ZCCHC9: variants seen among roughly 807,000 people sequenced by gnomAD.
ZCCHC9 encodes zinc finger CCHC-type containing 9, also known as zinc finger CCHC domain-containing protein 9.
Under a neutral mutation model 30.8 loss-of-function variants are expected in ZCCHC9, and 18 were observed. The observed-to-expected ratio is 0.58, with a 90% CI of 0.40 to 0.87. ZCCHC9 has a LOEUF of 0.87. Among genes scored for constraint, ZCCHC9 ranks in the 40% least tolerant of loss-of-function variants. ZCCHC9 has a pLI of 0.00. For missense variants in ZCCHC9, 279 were observed against 331.2 expected, an observed-to-expected ratio of 0.84 and a Z score of 1.22; for synonymous variants, 94 against 106.7, an observed-to-expected ratio of 0.88 and a Z score of 0.73.
intron 2 of ZCCHC9, among the ~76,000 whole-genome samples, chr5:81,307,948 T>C (rs891087161): frequency 1.8e-4 from 25 of 136,884 alleles, no homozygotes; most frequent in African/African-American, 5.6e-4. Context: ...TGAGCTGAGA[T>C]TGGGCCACTG....
intron 2 of ZCCHC9, 109 bp from the exon 3 acceptor site, chr5:81,308,452 A>G (rs1758152795): frequency 7.4e-7 from 1 of 1,344,136 alleles, no homozygotes; most frequent in Middle Eastern, 2.8e-4. Context: ...GATTTCAGAA[A>G]AATAGCTTAA....
At chr5:81,305,529 G>A (rs752973521) in intron 2 of ZCCHC9, among the ~76,000 whole-genome samples, 14 of 151,750 alleles carry the variant, frequency 9.2e-5, no homozygotes, top group Admixed American at 2.6e-4. Context: ...AAGCTGAGGC[G>A]GGAGGATCAC....
At chr5:81,303,361 T>G (rs937619066) in intron 1 of ZCCHC9, 1 of 152,274 alleles carries the variant, frequency 6.6e-6, no homozygotes, top group African/African-American at 2.4e-5. Flanking sequence ...GTAATAACAC[T>G]TAGCTTAAAA....
At chr5:81,311,563 A>G (rs1469897310) in intron 5 of ZCCHC9, among the ~76,000 whole-genome samples, 1 of 152,202 alleles carries the variant, frequency 6.6e-6, no homozygotes, top group East Asian at 1.9e-4. Context: ...TTAATATAAT[A>G]GAGCCAATTC....
At position 81,309,052 on chromosome 5, in the gene ZCCHC9, C is replaced by A. The variant is rs760444367; in HGVS notation, c.628+14C>A. The A allele has an allele frequency of 2.1e-5, 33 of 1,578,194 alleles. No homozygotes were observed. Among genetic ancestry groups the A allele is most frequent in the Non-Finnish European group, 2.8e-5 (32 of 1,158,250 alleles). Reference sequence around the variant, plus strand: ...TCTATGCTGATGGTAAGTACTGTTACCCTCATATAGCAGAAATGGTGAGTC... The same window carrying A: ...TCTATGCTGATGGTAAGTACTGTTAACCTCATATAGCAGAAATGGTGAGTC... On this transcript the variant is annotated intron_variant, in intron 4 of 5. Coordinates refer to ENST00000407610, the MANE Select transcript of ZCCHC9 (RefSeq NM_001131035.2).
intron 2 of ZCCHC9, among the ~76,000 whole-genome samples, chr5:81,307,104 G>A (rs1400217538): frequency 6.6e-6 from 1 of 152,054 alleles, no homozygotes; most frequent in Middle Eastern, 3.4e-3. Context: ...TGCTTATTTT[G>A]AAAAAACATA....
chr5:81,302,100 C>T (rs1757973198), intron 1 of ZCCHC9: 1 of 152,366 alleles, frequency 6.6e-6, no homozygotes, highest in Non-Finnish European at 1.5e-5. Flanking sequence ...TGGGTCCACC[C>T]TTCAGCTTCT....
At chr5:81,312,406 C>T (rs1758317199) in intron 5 of ZCCHC9, 138 bp from the exon 6 acceptor site, 1 of 648,810 alleles carries the variant, frequency 1.5e-6, no homozygotes, top group Non-Finnish European at 2.7e-6. Context: ...GAATTGCTCA[C>T]TTTCCTTTAG....
At chr5:81,305,203 A>T in intron 2 of ZCCHC9, 62 bp downstream of exon 2, 1 of 1,529,384 alleles carries the variant, frequency 6.5e-7, no homozygotes, top group Non-Finnish European at 8.7e-7. Flanking sequence ...TCTTATATTC[A>T]CACACATATA....
At chr5:81,305,682 C>T (rs1487944771) in intron 2 of ZCCHC9, among the ~76,000 whole-genome samples, 1 of 152,026 alleles carries the variant, frequency 6.6e-6, no homozygotes, top group Non-Finnish European at 1.5e-5. Flanking sequence ...AGGATTGGGC[C>T]TGGGAGGTCG....
chr5:81,311,150 G>A, intron 4 of ZCCHC9, 61 bp from the exon 5 acceptor site: 1 of 1,565,052 alleles, frequency 6.4e-7, no homozygotes, highest in Admixed American at 1.7e-5. Context: ...AAAGTGCTTT[G>A]AGATGTTAAA....
rs945809693 is a variant in ZCCHC9, at chr5:81,301,637, C to G, written c.-79C>G. 9.8e-5 allele frequency: 15 copies of G among 152,354 alleles called. No homozygotes were observed. The highest frequency in any genetic ancestry group is 2.1e-4 in the South Asian group (1 of 4,844). 9.4% of individuals were successfully genotyped at this position (152,354 alleles called of 1,614,324 possible). A position where few individuals can be genotyped will look rare whatever the true frequency, so the allele number is the denominator to read the frequency against. On this transcript the variant is annotated 5_prime_UTR_variant, in exon 1 of 6. Transcript: ENST00000407610. ...CGCAGGAGGGCGGTCTTCCCCGGCT[C>G]GCCAACTCGGCTGCTCTGGGGGATT...
rs1160546753 is a variant in ZCCHC9, at chr5:81,308,542, C to T, written c.385-19C>T. ...TGGTATAGTTTTGCAGCGTGCCAAC[C>T]TACGTTTTGTTTTCCTAGGTGTGTT... On this transcript the variant is annotated intron_variant, in intron 2 of 5. Transcript: ENST00000407610. The T allele has an allele frequency of 3.8e-6, 6 of 1,599,690 alleles. No homozygotes were observed. Among genetic ancestry groups the T allele is most frequent in the Non-Finnish European group, 4.3e-6 (5 of 1,174,578 alleles).
intron 4 of ZCCHC9, among the ~76,000 whole-genome samples, chr5:81,310,956 C>T (rs149133216): frequency 1.1e-3 from 167 of 152,304 alleles, no homozygotes; most frequent in Non-Finnish European, 1.9e-3. Flanking sequence ...TGCCTTCCAT[C>T]ATATCTCATT....
chr5:81,311,262 C>T lies in ZCCHC9; in HGVS notation c.680C>T (p.Pro227Leu). Reference protein sequence around the residue: ...GSVEHLKKDCPESQNSERMVT... With the variant: ...GSVEHLKKDCLESQNSERMVT... ...GTGGAACATTTAAAGAAAGATTGCC[C>T]TGAAAGTCAGAATTCAGGTGAGATC... is the stretch of plus-strand genomic sequence containing the variant. Residue 227 changes from proline to leucine, a missense_variant, in exon 5 of 6, where the codon CCT becomes CTT. Pro to Leu is a moderately conservative substitution (Grantham distance 98, BLOSUM62 -3). Coordinates refer to ENST00000407610, the MANE Select transcript of ZCCHC9 (RefSeq NM_001131035.2). 6.2e-7 allele frequency: 1 copy of T among 1,614,022 alleles called. No individual in the cohort carries two copies. Among genetic ancestry groups the T allele is most frequent in the Non-Finnish European group, 8.5e-7 (1 of 1,179,946 alleles).
intron 1 of ZCCHC9, chr5:81,304,533 T>C (rs906481776): frequency 1.8e-5 from 7 of 382,670 alleles, no homozygotes; most frequent in African/African-American, 1.4e-4. Context: ...TTCTGGTAAG[T>C]GGTAGATTTA....
intron 2 of ZCCHC9, 152 bp from the exon 3 acceptor site, chr5:81,308,409 G>C (rs1162169453): frequency 8.7e-6 from 8 of 923,704 alleles, no homozygotes; most frequent in Middle Eastern, 7.0e-4. Context: ...CGTTGTTTAG[G>C]AACGTATGAA....
intron 4 of ZCCHC9, among the ~76,000 whole-genome samples, chr5:81,310,811 G>A (rs948421467): frequency 1.3e-5 from 2 of 152,174 alleles, no homozygotes; most frequent in Non-Finnish European, 2.9e-5. Context: ...GCCATTGACT[G>A]TTTGAGAATC....
intron 4 of ZCCHC9, among the ~76,000 whole-genome samples, chr5:81,309,546 C>T (rs539961251): frequency 3.3e-5 from 5 of 152,276 alleles, no homozygotes; most frequent in East Asian, 1.9e-4. Context: ...AAAGTCTATG[C>T]GGTCTAAAGC....
Sources: allele counts gnomAD v4.1 joint callset (sites outside exome capture counted in the v4.1 genomes callset), GRCh38; gene constraint gnomAD v4.1.1; transcripts MANE v1.5; gene names NCBI Gene and HGNC (gene_info 2026-07-23, HGNC 2026-07-21).